Variants in CPPED1 observed in about 807,000 individuals in gnomAD.
CPPED1 encodes serine/threonine-protein phosphatase CPPED1.
A neutral mutation model predicts 28.0 loss-of-function variants in CPPED1; 28 were observed. The observed-to-expected ratio is 1.00, with a 90% CI of 0.74 to 1.37. CPPED1 has a LOEUF of 1.37. Among genes scored for constraint, CPPED1 ranks in the 40% most tolerant of loss-of-function variants. CPPED1 has a pLI of 0.00. For synonymous variants in CPPED1, 198 were observed against 180.2 expected, an observed-to-expected ratio of 1.10 and a Z score of -0.79; for missense variants, 504 against 416.5, an observed-to-expected ratio of 1.21 and a Z score of -1.83.
intron 2 of CPPED1, among the ~76,000 whole-genome samples, chr16:12,714,983 G>C (rs750434645): frequency 1.3e-5 from 2 of 151,828 alleles, no homozygotes; most frequent in Non-Finnish European, 2.9e-5. Context: ...TATGGTGTGA[G>C]GTAGGGGTCC....
At chr16:12,769,345 G>C (rs1164190444) in intron 2 of CPPED1, among the ~76,000 whole-genome samples, 1 of 151,992 alleles carries the variant, frequency 6.6e-6, no homozygotes, top group African/African-American at 2.4e-5. Context: ...TGTGTATTTA[G>C]AAATATTATT....
chr16:12,752,185 G>A (rs192303509), intron 2 of CPPED1, among the ~76,000 whole-genome samples: 100 of 152,238 alleles, frequency 6.6e-4, no homozygotes, highest in African/African-American at 2.3e-3. Context: ...AATATAAAAA[G>A]GCTCCTGCTT....
chr16:12,780,589 T>C (rs2080524339), intron 2 of CPPED1, among the ~76,000 whole-genome samples: 1 of 152,090 alleles, frequency 6.6e-6, no homozygotes. Flanking sequence ...AGCCTGAACG[T>C]AAATGAGGTC....
At chr16:12,712,376 CA>C (rs1261670947) in intron 2 of CPPED1, among the ~76,000 whole-genome samples, 4 of 152,138 alleles carry the variant, frequency 2.6e-5, no homozygotes, top group African/African-American at 4.8e-5. Context: ...GAACTCCTTT[CA>C]GGGGGGAATT....
Position 12,664,661 on chromosome 16 carries a change from A to G in CPPED1, c.*225T>C. 7.3e-7 allele frequency: 1 copy of G among 1,372,842 alleles called. No homozygotes were observed. The highest frequency in any genetic ancestry group is 1.7e-5 in the South Asian group (1 of 58,486). 85.0% of individuals were successfully genotyped at this position (1,372,842 alleles called of 1,614,324 possible). A position where few individuals can be genotyped will look rare whatever the true frequency, so the allele number is the denominator to read the frequency against. ...CATGCAGAGATAGTCTAATATTTTA[A>G]AAACTGATTTCCAGGATCATTCGCT... On this transcript the variant is annotated 3_prime_UTR_variant, in exon 4 of 4. Transcript: ENST00000381774. The surrounding 1 kb of genome is among the most constrained non-coding windows in gnomAD (Gnocchi z 4.2).
intron 1 of CPPED1, among the ~76,000 whole-genome samples, chr16:12,802,390 T>C (rs2141249776): frequency 6.6e-6 from 1 of 152,116 alleles, no homozygotes; most frequent in East Asian, 1.9e-4. Flanking sequence ...TCACCTGATG[T>C]TGTGAGTTCG....
intron 1 of CPPED1, among the ~76,000 whole-genome samples, chr16:12,797,474 G>A (rs548081481): frequency 6.1e-4 from 93 of 151,992 alleles, no homozygotes; most frequent in African/African-American, 2.2e-3. Context: ...AGCATGGCTT[G>A]AGCCCAGGAG....
intron 2 of CPPED1, among the ~76,000 whole-genome samples, chr16:12,750,702 G>T (rs1246023726): frequency 6.6e-6 from 1 of 152,216 alleles, no homozygotes; most frequent in African/African-American, 2.4e-5. Context: ...CGGGCGCAGT[G>T]GCTCACGCCT....
At chr16:12,685,549 A>G (rs1250810651) in intron 3 of CPPED1, among the ~76,000 whole-genome samples, 4 of 152,214 alleles carry the variant, frequency 2.6e-5, no homozygotes, top group African/African-American at 9.6e-5. Flanking sequence ...CCCCTGGCAC[A>G]CTGTCTACTG....
intron 2 of CPPED1, among the ~76,000 whole-genome samples, chr16:12,722,147 T>G (rs2080144512): frequency 6.6e-6 from 1 of 152,046 alleles, no homozygotes; most frequent in Non-Finnish European, 1.5e-5. Flanking sequence ...TGCTGGAAAA[T>G]TTTAAATTAA....
intron 2 of CPPED1, chr16:12,760,268 T>G (rs1407535925): frequency 6.6e-6 from 1 of 152,208 alleles, no homozygotes; most frequent in Non-Finnish European, 1.5e-5. Context: ...ATCAGGGACC[T>G]GAGGACTGGT....
chr16:12,667,072 T>G (rs2079829645), intron 3 of CPPED1, among the ~76,000 whole-genome samples: 1 of 150,896 alleles, frequency 6.6e-6, no homozygotes, highest in Non-Finnish European at 1.5e-5. Context: ...GGGGTGGAGG[T>G]AATGAAAACC....
chr16:12,763,229 C>A (rs1290592286), intron 2 of CPPED1, among the ~76,000 whole-genome samples: 2 of 150,234 alleles, frequency 1.3e-5, no homozygotes, highest in African/African-American at 4.9e-5. Context: ...CAAGACTCCA[C>A]CTTGAAAAAA....
intron 2 of CPPED1, among the ~76,000 whole-genome samples, chr16:12,766,747 T>G (rs2080442171): frequency 6.6e-6 from 1 of 152,064 alleles, no homozygotes; most frequent in South Asian, 2.1e-4. Flanking sequence ...CCAGCCTGGG[T>G]GACGGATCAA....
intron 1 of CPPED1, among the ~76,000 whole-genome samples, chr16:12,801,361 G>A (rs1489236834): frequency 6.6e-6 from 1 of 152,162 alleles, no homozygotes; most frequent in Non-Finnish European, 1.5e-5. Flanking sequence ...CCAAAGTGCT[G>A]GGATTACAGG....
At chr16:12,713,210 AAG>A (rs151098369) in intron 2 of CPPED1, among the ~76,000 whole-genome samples, 3,355 of 152,282 alleles carry the variant, frequency 0.022, 60 homozygotes, top group East Asian at 0.1. Flanking sequence ...CATTTTCAAA[AAG>A]AGAGTTTTCT....
intron 2 of CPPED1, among the ~76,000 whole-genome samples, chr16:12,779,210 C>A (rs2080515317): frequency 6.6e-6 from 1 of 151,828 alleles, no homozygotes; most frequent in African/African-American, 2.4e-5. Context: ...AATTTGAAAT[C>A]TTCTTTTCTT....
At position 12,780,801 on chromosome 16, in the gene CPPED1, C is replaced by G. The variant is rs557193644; in HGVS notation, c.289+384G>C. 8.8e-5 allele frequency among the ~76,000 whole-genome samples: 13 copies of G among 148,502 alleles called. No homozygotes were observed. The East Asian group carries it at 2.2e-3, about 25-fold the overall frequency. On this transcript the variant is annotated intron_variant, in intron 2 of 3. Transcript: ENST00000381774. ...GTCACTTGCAACAAAAAAGCACCAA[C>G]AAATAAGGGAGAAATAAAAGTGTAA...
chr16:12,768,075 T>C (rs1430740547), intron 2 of CPPED1, among the ~76,000 whole-genome samples: 2 of 152,220 alleles, frequency 1.3e-5, no homozygotes, highest in African/African-American at 4.8e-5. Context: ...GCTGAATTCC[T>C]CTTAGATACG....
Sources: allele counts gnomAD v4.1 joint callset (sites outside exome capture counted in the v4.1 genomes callset), GRCh38; gene constraint gnomAD v4.1.1; non-coding constraint Gnocchi (gnomAD v3.1); transcripts MANE v1.5; gene names NCBI Gene and HGNC (gene_info 2026-07-23, HGNC 2026-07-21).